MRTFA: variants seen among roughly 807,000 people sequenced by gnomAD.
MRTFA encodes the protein myocardin related transcription factor A.
MRTFA carries 20 observed loss-of-function variants against 83.5 expected under a neutral mutation model. That is an observed-to-expected ratio of 0.24 (90% CI 0.17 to 0.35). MRTFA has a LOEUF of 0.35. MRTFA is among the 10% of genes least tolerant of loss of function. The pLI is 1.00. For synonymous variants in MRTFA, 659 were observed against 541.2 expected, an observed-to-expected ratio of 1.22 and a Z score of -3.02; for missense variants, 1,200 against 1,224.7, an observed-to-expected ratio of 0.98 and a Z score of 0.30.
chr22:40,504,270 T>C (rs2054544752), intron 3 of MRTFA, among the ~76,000 whole-genome samples: 1 of 152,182 alleles, frequency 6.6e-6, no homozygotes. Flanking sequence ...TCCCAGGTAC[T>C]TGGAAATTTA....
intron 4 of MRTFA, among the ~76,000 whole-genome samples, chr22:40,457,462 G>GAAAGAAAGAA (rs1569275874): frequency 1.3e-5 from 2 of 148,294 alleles, no homozygotes; most frequent in Non-Finnish European, 3.0e-5. Flanking sequence ...AAGAAAGAAA[G>GAAAGAAAGAA]AAAGAAAGAA....
Position 40,411,845 on chromosome 22 carries a change from T to C in MRTFA, c.2641A>G (p.Thr881Ala). Residue 881 changes from threonine to alanine, a missense_variant, in exon 15 of 15, where the codon ACA becomes GCA. This residue lies in a region of MRTFA where 1,107 missense variants were observed against 1,041.8 expected (regional missense o/e 1.06). Coordinates refer to ENST00000355630, the MANE Select transcript of MRTFA (RefSeq NM_020831.6). ...GCTGCCAGGGGGGACCCACAGACTGTCTTCGGGGATGGCTTCTCCTTCCCT... is the reference window on the plus strand; with the variant it reads ...GCTGCCAGGGGGGACCCACAGACTGCCTTCGGGGATGGCTTCTCCTTCCCT... The C allele has an allele frequency of 6.7e-7, 1 of 1,498,614 alleles. No homozygotes were observed. 92.8% of individuals were successfully genotyped at this position (1,498,614 alleles called of 1,614,324 possible).
chr22:40,471,999 G>C (rs2053924379), intron 3 of MRTFA, among the ~76,000 whole-genome samples: 1 of 152,182 alleles, frequency 6.6e-6, no homozygotes, highest in Non-Finnish European at 1.5e-5. Flanking sequence ...GCCAGAGAAA[G>C]ACATCAAAAC....
intron 4 of MRTFA, among the ~76,000 whole-genome samples, chr22:40,440,915 T>C (rs1434153020): frequency 6.6e-6 from 1 of 152,148 alleles, no homozygotes. Flanking sequence ...AGTTACCCCA[T>C]AAATGTGTGT....
intron 2 of MRTFA, among the ~76,000 whole-genome samples, chr22:40,577,179 T>C: frequency 7.0e-6 from 1 of 141,896 alleles, no homozygotes; most frequent in Non-Finnish European, 1.5e-5. Context: ...GCCATGATAG[T>C]GACACTGCAC....
chr22:40,622,568 A>G (rs2056536637), intron 1 of MRTFA, among the ~76,000 whole-genome samples: 1 of 152,170 alleles, frequency 6.6e-6, no homozygotes, highest in Non-Finnish European at 1.5e-5. Flanking sequence ...TGACAAAAAC[A>G]GTGCAGGAGA....
intron 3 of MRTFA, among the ~76,000 whole-genome samples, chr22:40,484,839 G>A (rs1313725323): frequency 6.6e-6 from 1 of 151,872 alleles, no homozygotes. Context: ...TTAGGAGGCC[G>A]ACGCAGGCGG....
intron 4 of MRTFA, among the ~76,000 whole-genome samples, chr22:40,446,109 G>A (rs1275461254): frequency 6.6e-5 from 10 of 152,182 alleles, no homozygotes; most frequent in Non-Finnish European, 7.3e-5. Context: ...CAGTGATGGT[G>A]CTAAAAGTTT....
At chr22:40,612,301 G>A (rs773836360) in intron 1 of MRTFA, among the ~76,000 whole-genome samples, 3 of 152,152 alleles carry the variant, frequency 2.0e-5, no homozygotes, top group African/African-American at 4.8e-5. Flanking sequence ...GTTAGGAAAC[G>A]GCAAGAGAAT....
intron 2 of MRTFA, among the ~76,000 whole-genome samples, chr22:40,558,566 A>C (rs564423737): frequency 1.8e-4 from 28 of 151,998 alleles, no homozygotes; most frequent in Admixed American, 2.6e-4. Flanking sequence ...AAAATCCATC[A>C]CATGGTATCA....
chr22:40,612,174 T>C (rs910010162), intron 1 of MRTFA, among the ~76,000 whole-genome samples: 1 of 152,244 alleles, frequency 6.6e-6, no homozygotes, highest in Non-Finnish European at 1.5e-5. Context: ...ATTTAGGCAA[T>C]GTAAATACAT....
intron 2 of MRTFA, among the ~76,000 whole-genome samples, chr22:40,584,105 T>C (rs1360719170): frequency 1.3e-5 from 2 of 152,108 alleles, no homozygotes; most frequent in Non-Finnish European, 2.9e-5. Context: ...TTACAGTAGA[T>C]GGGAAAAAAA....
intron 4 of MRTFA, among the ~76,000 whole-genome samples, chr22:40,452,912 T>C (rs2053522052): frequency 6.6e-6 from 1 of 151,810 alleles, no homozygotes; most frequent in Non-Finnish European, 1.5e-5. Context: ...ACTCAGAACA[T>C]GAACACACCA....
chr22:40,426,033 CAG>C (rs1359710493), intron 7 of MRTFA, among the ~76,000 whole-genome samples: 1 of 152,156 alleles, frequency 6.6e-6, no homozygotes, highest in Non-Finnish European at 1.5e-5. Context: ...AGGAGAGACT[CAG>C]AGAAGTCTTC....
Position 40,502,541 on chromosome 22 carries a change from CG to C in MRTFA, c.242-39256del, listed in dbSNP as rs1335946398. On this transcript the variant is annotated intron_variant, in intron 3 of 14. Transcript: ENST00000355630. Reference sequence around the variant, plus strand: ...CTCACTTCCTAGATGGGATGGCGGCCGGGCGGAGACGCTCCTCACTTTCCAG... The same window carrying C: ...CTCACTTCCTAGATGGGATGGCGGCCGGCGGAGACGCTCCTCACTTTCCAG... Among the ~76,000 whole-genome samples, 2 of 143,828 alleles carry C rather than the reference CG, an allele frequency of 1.4e-5. 1 individual carries two copies. The highest frequency in any genetic ancestry group is 3.1e-5 in the Non-Finnish European group (2 of 65,556). 94.4% of individuals were successfully genotyped at this position (143,828 alleles called of 152,430 possible). A position where few individuals can be genotyped will look rare whatever the true frequency, so the allele number is the denominator to read the frequency against.
intron 4 of MRTFA, among the ~76,000 whole-genome samples, chr22:40,457,442 G>GA (rs1371029995): frequency 2.6e-5 from 3 of 115,566 alleles, no homozygotes; most frequent in African/African-American, 7.1e-5. Context: ...GAAAGAGAAA[G>GA]AAAGAAAGAA....
At chr22:40,480,407 G>A (rs1303868975) in intron 3 of MRTFA, among the ~76,000 whole-genome samples, 1 of 151,790 alleles carries the variant, frequency 6.6e-6, no homozygotes, top group Non-Finnish European at 1.5e-5. Flanking sequence ...ATGAAACACT[G>A]CACCCCCACT....
At chr22:40,472,235 G>T (rs75523053) in intron 3 of MRTFA, among the ~76,000 whole-genome samples, 12,410 of 152,192 alleles carry the variant, frequency 0.082, 793 homozygotes, top group East Asian at 0.24. Context: ...AAGCTTAGCA[G>T]GTAATTCTAA....
chr22:40,457,181 A>G (rs552918020), intron 4 of MRTFA, among the ~76,000 whole-genome samples: 31 of 152,280 alleles, frequency 2.0e-4, no homozygotes, highest in Non-Finnish European at 3.5e-4. Flanking sequence ...CCTGGCCAAC[A>G]TGGCGAAACC....
Sources: gnomAD v4.1 joint callset for allele counts (sites outside exome capture counted in the v4.1 genomes callset) on GRCh38, gnomAD v4.1.1 for gene constraint, gnomAD v4.1.1 regional missense constraint, MANE v1.5 for transcripts, NCBI Gene and HGNC (gene_info 2026-07-23, HGNC 2026-07-21) for gene names.